The following SBK1 variants were observed in gnomAD, a reference collection of about 807,000 sequenced individuals.
The protein encoded by SBK1 is SH3 domain binding kinase 1, also known as serine/threonine-protein kinase SBK1.
Under a neutral mutation model 24.4 loss-of-function variants are expected in SBK1, and 11 were observed. The ratio of observed to expected loss-of-function variants is 0.45; its 90% CI spans 0.28 to 0.75. The LOEUF is 0.75. Among genes scored for constraint, SBK1 ranks in the 30% least tolerant of loss-of-function variants. The pLI, the probability that SBK1 is intolerant of heterozygous loss-of-function variation, is 0.12. For synonymous variants in SBK1, 308 were observed against 284.4 expected (o/e 1.08, Z -0.83); for missense variants, 467 against 620.5 (o/e 0.75, Z 2.63).
At chr16:28,306,179 C>T (rs1346719870) in intron 1 of SBK1, among the ~76,000 whole-genome samples, 1 of 152,088 alleles carries the variant, frequency 6.6e-6, no homozygotes, top group South Asian at 2.1e-4. Context: ...AAGAGGGACC[C>T]TCTCACCCTG....
chr16:28,283,125 G>C (rs550107513), intron 1 of SBK1, among the ~76,000 whole-genome samples: 5 of 152,120 alleles, frequency 3.3e-5, no homozygotes, highest in African/African-American at 1.2e-4. Flanking sequence ...TAGAGACGGG[G>C]TTTCACCATG....
At chr16:28,315,139 G>A (rs1284744100) in intron 1 of SBK1, among the ~76,000 whole-genome samples, 1 of 151,952 alleles carries the variant, frequency 6.6e-6, no homozygotes, top group East Asian at 1.9e-4. Context: ...ATGTGTGCCT[G>A]CGCCTGGGAA....
intron 2 of SBK1, 147 bp from the exon 3 acceptor site, chr16:28,318,848 C>G: frequency 1.4e-6 from 1 of 710,810 alleles, no homozygotes; most frequent in East Asian, 2.5e-5. Context: ...CCTTTCCTCT[C>G]TCTGGGTCTG....
chr16:28,275,117 G>A (rs2044488284), intron 1 of SBK1, among the ~76,000 whole-genome samples: 1 of 152,200 alleles, frequency 6.6e-6, no homozygotes, highest in Admixed American at 6.5e-5. Context: ...CTAGAGGGCT[G>A]AAGTTCGAAA....
intron 1 of SBK1, among the ~76,000 whole-genome samples, chr16:28,281,071 G>T (rs954802979): frequency 6.6e-6 from 1 of 152,060 alleles, no homozygotes; most frequent in Non-Finnish European, 1.5e-5. Context: ...GACCTTGGTG[G>T]TGTCCTCAGA....
intron 1 of SBK1, among the ~76,000 whole-genome samples, chr16:28,310,253 A>C (rs2044745171): frequency 1.3e-5 from 2 of 152,232 alleles, no homozygotes; most frequent in African/African-American, 4.8e-5. Flanking sequence ...CGGCGCTGAC[A>C]GCCCGGCGTG....
At position 28,267,900 on chromosome 16, in the gene SBK1, C is replaced by T. The variant is rs371714949; in HGVS notation, c.257+8398C>T. The stretch of plus-strand genomic sequence containing the variant: ...CAGTGGCTCGTGCCTGTAATCCCAG[C>T]GCTTTGGGAGGCTGAACTGGGAGGA... On this transcript the variant is annotated intron_variant, in intron 1 of 3. Coordinates refer to the SBK1 transcript ENST00000671413. Among the ~76,000 whole-genome samples, 15 of 152,280 alleles carry T rather than the reference C, an allele frequency of 9.9e-5. No individual in the cohort carries two copies. The East Asian group carries it at 1.9e-3, about 20-fold the overall frequency.
intron 1 of SBK1, among the ~76,000 whole-genome samples, chr16:28,302,090 A>G (rs1486944432): frequency 1.3e-5 from 2 of 152,194 alleles, no homozygotes; most frequent in Admixed American, 6.5e-5. Context: ...GTGTAGAAGT[A>G]TGCATGTGCT....
chr16:28,279,074 G>A (rs2044512767), intron 1 of SBK1, among the ~76,000 whole-genome samples: 2 of 152,050 alleles, frequency 1.3e-5, no homozygotes, highest in Admixed American at 6.6e-5. Context: ...AGATGTGGTG[G>A]TGTGCACCTG....
chr16:28,320,417 G>C lies in SBK1; in HGVS notation c.771G>C (p.Ser257=). ...LTGNFPWEAA[S]GADAFFEEFV... ...GCAACTTCCCGTGGGAGGCGGCGTC[G>C]GGCGCCGACGCCTTCTTCGAGGAGT... Residue 257 remains serine (S), a synonymous_variant, in exon 4 of 4, where the codon TCG becomes TCC. Transcript: ENST00000341901. The surrounding 1 kb of genome is among the most constrained non-coding windows in gnomAD (Gnocchi z 8.5). The C allele has an allele frequency of 6.3e-7, 1 of 1,588,784 alleles. No individual in the cohort carries two copies. The highest frequency in any genetic ancestry group is 1.7e-4 in the Middle Eastern group (1 of 6,000).
At chr16:28,268,756 C>T (rs2141560157) in intron 1 of SBK1, among the ~76,000 whole-genome samples, 1 of 151,742 alleles carries the variant, frequency 6.6e-6, no homozygotes, top group Admixed American at 6.6e-5. Context: ...GAGCGAGACT[C>T]TGTCTCGAAA....
At chr16:28,292,012 T>C (rs1388859228), upstream of SBK1, 4 of 151,998 alleles carry the variant, frequency 2.6e-5, no homozygotes, top group Non-Finnish European at 5.9e-5. Context: ...GATGGATGGA[T>C]GGAAGCGCAG....
At chr16:28,280,172 T>TGTGTGTGTGTGTGTGTGTGC (rs1491395186) in intron 1 of SBK1, among the ~76,000 whole-genome samples, 2 of 113,732 alleles carry the variant, frequency 1.8e-5, no homozygotes, top group Admixed American at 1.2e-4. Flanking sequence ...TGTGTGTGTG[T>TGTGTGTGTGTGTGTGTGTGC]ATGTATATAT....
intron 1 of SBK1, among the ~76,000 whole-genome samples, chr16:28,271,317 G>C (rs2044464328): frequency 1.3e-5 from 2 of 152,288 alleles, no homozygotes; most frequent in South Asian, 4.1e-4. Context: ...AGCACTTTAG[G>C]AGGCCAAAGC....
Position 28,292,620 on chromosome 16 carries a change from G to T in SBK1, c.-688G>T. ...GGAGCCGCAGCCGGAGCCCGGGCCAGGCCGGGGGCCGGGAGCGCAGGGCCG... is the reference window on the plus strand; with the variant it reads ...GGAGCCGCAGCCGGAGCCCGGGCCATGCCGGGGGCCGGGAGCGCAGGGCCG... On this transcript the variant is annotated 5_prime_UTR_variant, in exon 1 of 4. It adds an upstream start codon to the 5' untranslated region. Coordinates refer to ENST00000341901, the MANE Select transcript of SBK1 (RefSeq NM_001024401.3). 1.0e-6 allele frequency: 1 copy of T among 982,582 alleles called. No individual in the cohort carries two copies. The highest frequency in any genetic ancestry group is 5.2e-4 in the Middle Eastern group (1 of 1,908). 60.9% of individuals were successfully genotyped at this position (982,582 alleles called of 1,614,324 possible).
intron 1 of SBK1, among the ~76,000 whole-genome samples, chr16:28,314,072 C>T (rs188770542): frequency 3.9e-5 from 6 of 152,018 alleles, no homozygotes; most frequent in Non-Finnish European, 5.9e-5. Flanking sequence ...CAGGGCTTCA[C>T]GCCTGTTAAC....
Position 28,321,104 on chromosome 16 carries a change from C to T in SBK1, c.*183C>T. On this transcript the variant is annotated 3_prime_UTR_variant, in exon 4 of 4. Coordinates refer to ENST00000341901, the MANE Select transcript of SBK1 (RefSeq NM_001024401.3). ...CTGGTGAGGGGGCCACCAAAGACCC[C>T]TAGCGCGGCCTGGTGAGCGGGGGCT... is the stretch of plus-strand genomic sequence containing the variant. The T allele has an allele frequency of 2.0e-6, 1 of 500,852 alleles. No individual in the cohort carries two copies. The highest frequency in any genetic ancestry group is 4.9e-5 in the East Asian group (1 of 20,394). 31.0% of individuals were successfully genotyped at this position (500,852 alleles called of 1,614,324 possible). A position where few individuals can be genotyped will look rare whatever the true frequency, so the allele number is the denominator to read the frequency against.
chr16:28,321,237 A>ACACACACACG lies in SBK1; in HGVS notation c.*317_*318insACACACACGC. ...CACACACACACACACACACACACAC[A>ACACACACACG]CGCCAGGAGCAAGGGAGCTTTCGGG... On this transcript the variant is annotated 3_prime_UTR_variant, in exon 4 of 4. Transcript: ENST00000341901. The ACACACACACG allele has an allele frequency of 6.8e-6, 1 of 147,514 alleles. No individual in the cohort carries two copies. The highest frequency in any genetic ancestry group is 2.8e-5 in the African/African-American group (1 of 35,808). 9.1% of individuals were successfully genotyped at this position (147,514 alleles called of 1,614,324 possible). A position where few individuals can be genotyped will look rare whatever the true frequency, so the allele number is the denominator to read the frequency against.
At chr16:28,260,282 G>C (rs1411990450) in intron 1 of SBK1, among the ~76,000 whole-genome samples, 1 of 152,114 alleles carries the variant, frequency 6.6e-6, no homozygotes, top group Non-Finnish European at 1.5e-5. Flanking sequence ...AAGCCCTAGA[G>C]ATCATTGTTC....
Sources: allele counts gnomAD v4.1 joint callset (sites outside exome capture counted in the v4.1 genomes callset), GRCh38; gene constraint gnomAD v4.1.1; non-coding constraint Gnocchi (gnomAD v3.1); transcripts MANE v1.5; gene names NCBI Gene and HGNC (gene_info 2026-07-23, HGNC 2026-07-21).